Variants in SLC24A4 observed in about 807,000 individuals in gnomAD.
The protein encoded by SLC24A4 is solute carrier family 24 member 4.
SLC24A4 carries 53 observed loss-of-function variants against 79.0 expected under a neutral mutation model. The ratio of observed to expected loss-of-function variants is 0.67; its 90% confidence interval spans 0.54 to 0.84. The LOEUF (loss-of-function observed/expected upper bound fraction) is 0.84, where lower values mean the gene tolerates loss of function less well. SLC24A4 is among the 40% of genes least tolerant of loss of function. SLC24A4 has a pLI of 0.00. For synonymous variants in SLC24A4, 323 were observed against 323.8 expected (o/e 1.00, Z 0.03); for missense variants, 731 against 822.0 (o/e 0.89, Z 1.35).
chr14:92,456,682 G>A, intron 12 of SLC24A4, 74 bp downstream of exon 12: 1 of 1,472,608 alleles, frequency 6.8e-7, no homozygotes, highest in Non-Finnish European at 9.3e-7. Flanking sequence ...AGGTCTTCAG[G>A]ATGGAGGCAT....
At position 92,422,322 on chromosome 14, in the gene SLC24A4, CT is replaced by C. The variant is rs1415735171; in HGVS notation, c.242-11587del. 2.6e-5 allele frequency among the ~76,000 whole-genome samples: 4 copies of C among 152,352 alleles called. No individual in the cohort carries two copies. The East Asian group carries it at 7.7e-4, about 29-fold the overall frequency. ...GTAACAAGCATCTTCACACATATGA[CT>C]TTCACCCTGATATTTTGAATGTCAC... is the stretch of plus-strand genomic sequence containing the variant. On this transcript the variant is annotated intron_variant, in intron 2 of 16. Transcript: ENST00000532405.
intron 2 of SLC24A4, among the ~76,000 whole-genome samples, chr14:92,333,454 G>A (rs8020854): frequency 0.92 from 140,427 of 152,248 alleles, 65,673 homozygotes; most frequent in East Asian, 1. Context: ...TTTGGTTTGG[G>A]TTTCCAATGT....
intron 2 of SLC24A4, among the ~76,000 whole-genome samples, chr14:92,394,708 G>T (rs939236366): frequency 6.6e-6 from 1 of 152,146 alleles, no homozygotes; most frequent in Non-Finnish European, 1.5e-5. Context: ...CTAGGACTGG[G>T]TTCTATTATT....
intron 2 of SLC24A4, among the ~76,000 whole-genome samples, chr14:92,374,098 T>G (rs994755244): frequency 3.3e-5 from 5 of 152,250 alleles, no homozygotes; most frequent in Admixed American, 6.5e-5. Context: ...CCAGCCAAAA[T>G]GCAGAGAACC....
intron 14 of SLC24A4, 53 bp from the exon 15 acceptor site, chr14:92,491,612 C>T (rs1595366665): frequency 2.5e-6 from 3 of 1,220,746 alleles, no homozygotes; most frequent in Non-Finnish European, 3.7e-6. Context: ...AGAAAGAATA[C>T]AGGCTTCTGG....
chr14:92,489,508 T>C (rs767049772), intron 14 of SLC24A4, among the ~76,000 whole-genome samples: 1 of 152,042 alleles, frequency 6.6e-6, no homozygotes, highest in African/African-American at 2.4e-5. Flanking sequence ...ACCAGGAGGC[T>C]GTGCAGCACG....
intron 2 of SLC24A4, among the ~76,000 whole-genome samples, chr14:92,358,530 T>C (rs1887309594): frequency 6.6e-6 from 1 of 151,354 alleles, no homozygotes; most frequent in Non-Finnish European, 1.5e-5. Flanking sequence ...AAATATCCGC[T>C]GGCCTCCCAG....
At chr14:92,333,117 A>G (rs1317747416) in intron 2 of SLC24A4, among the ~76,000 whole-genome samples, 1 of 152,104 alleles carries the variant, frequency 6.6e-6, no homozygotes, top group East Asian at 1.9e-4. Flanking sequence ...TTTTTTGGAC[A>G]GAGTCTCACC....
chr14:92,448,174 G>A (rs1242535625), intron 9 of SLC24A4, among the ~76,000 whole-genome samples: 1 of 152,170 alleles, frequency 6.6e-6, no homozygotes, highest in Non-Finnish European at 1.5e-5. Flanking sequence ...AAAGAAGGAG[G>A]AATTAATGAT....
intron 2 of SLC24A4, among the ~76,000 whole-genome samples, chr14:92,386,294 C>G (rs1231456911): frequency 6.6e-6 from 1 of 151,960 alleles, no homozygotes; most frequent in African/African-American, 2.4e-5. Context: ...CTCCTGCAAC[C>G]CTGAGCAAGT....
At chr14:92,482,559 A>G in intron 12 of SLC24A4, 121 bp from the exon 13 acceptor site, 2 of 908,642 alleles carry the variant, frequency 2.2e-6, no homozygotes, top group Admixed American at 2.7e-5. Context: ...AGTTGCCTAG[A>G]GTCACATCGG....
chr14:92,463,522 G>A (rs1054110129), intron 12 of SLC24A4, among the ~76,000 whole-genome samples: 1 of 152,082 alleles, frequency 6.6e-6, no homozygotes, highest in Non-Finnish European at 1.5e-5. Context: ...TTGCACATTC[G>A]GTTGACTGTC....
At chr14:92,371,590 A>G (rs1888158190) in intron 2 of SLC24A4, among the ~76,000 whole-genome samples, 1 of 152,214 alleles carries the variant, frequency 6.6e-6, no homozygotes, top group Non-Finnish European at 1.5e-5. Context: ...ACTCATTTAT[A>G]AAAACCCTTA....
At chr14:92,436,409 C>A (rs1892170925) in intron 3 of SLC24A4, among the ~76,000 whole-genome samples, 1 of 151,790 alleles carries the variant, frequency 6.6e-6, no homozygotes, top group South Asian at 2.1e-4. Context: ...CCAGCAAAGC[C>A]TAAAATATTA....
chr14:92,355,161 G>C (rs1887106364), intron 2 of SLC24A4, among the ~76,000 whole-genome samples: 1 of 152,204 alleles, frequency 6.6e-6, no homozygotes. Context: ...GGGGTGGGGT[G>C]GTTGAAATAT....
chr14:92,350,905 A>G (rs1199066834), intron 2 of SLC24A4, among the ~76,000 whole-genome samples: 1 of 152,126 alleles, frequency 6.6e-6, no homozygotes, highest in East Asian at 1.9e-4. Flanking sequence ...CATGAATGGG[A>G]TTAGTGCCCT....
At chr14:92,430,911 G>A (rs533820701) in intron 2 of SLC24A4, among the ~76,000 whole-genome samples, 219 of 152,352 alleles carry the variant, frequency 1.4e-3, no homozygotes, top group Non-Finnish European at 2.4e-3. Context: ...CCCTGGTGGG[G>A]ATTTGAGCAG....
chr14:92,357,133 C>T (rs2141656991), intron 2 of SLC24A4, among the ~76,000 whole-genome samples: 1 of 152,288 alleles, frequency 6.6e-6, no homozygotes, highest in South Asian at 2.1e-4. Context: ...CGAGCTGTGT[C>T]ACCAACGAGG....
In SLC24A4 at chr14:92,447,419, C is replaced by T. The variant is rs766821621; in HGVS notation, c.732C>T (p.Ile244=). ...LIILYVFYIL[I]MKYNVKMQAF... The stretch of plus-strand genomic sequence containing the variant: ...TCTTGTATGTGTTTTATATTCTGAT[C>T]ATGAAGTAAGTGCCCTTTCTCCTCC... The change falls in exon 9 of 17, where the codon ATC becomes ATT. Residue 244 remains isoleucine, a synonymous_variant. Coordinates refer to ENST00000532405, the MANE Select transcript of SLC24A4 (RefSeq NM_153646.4). 6.2e-7 allele frequency: 1 copy of T among 1,614,062 alleles called. No homozygotes were observed. The highest frequency in any genetic ancestry group is 8.5e-7 in the Non-Finnish European group (1 of 1,179,974).
Sources: allele counts gnomAD v4.1 joint callset (sites outside exome capture counted in the v4.1 genomes callset), GRCh38; gene constraint gnomAD v4.1.1; transcripts MANE v1.5; gene names NCBI Gene and HGNC (gene_info 2026-07-23, HGNC 2026-07-21).